Variants in NRG3 observed in about 807,000 individuals in gnomAD.
NRG3 encodes pro-neuregulin-3, membrane-bound isoform.
Under a neutral mutation model 66.9 loss-of-function variants are expected in NRG3, and 31 were observed. That is an observed-to-expected ratio of 0.46 (90% confidence interval 0.35 to 0.63). NRG3 has a LOEUF of 0.63. NRG3 is among the 20% of genes least tolerant of loss of function. NRG3 has a pLI of 0.00. For synonymous variants in NRG3, 393 were observed against 359.4 expected (o/e 1.09, Z -1.06); for missense variants, 910 against 878.9 (o/e 1.04, Z -0.45).
chr10:81,918,217 C>T (rs933306297), intron 1 of NRG3, among the ~76,000 whole-genome samples: 4 of 152,088 alleles, frequency 2.6e-5, no homozygotes, highest in African/African-American at 9.7e-5. Context: ...ATATATTCCC[C>T]ATCTTATTCC....
intron 2 of NRG3, among the ~76,000 whole-genome samples, chr10:82,445,905 T>G (rs1010743542): frequency 3.9e-5 from 6 of 152,228 alleles, no homozygotes; most frequent in Non-Finnish European, 5.9e-5. Context: ...TTCAGGCTAC[T>G]TTACTATCTG....
chr10:82,795,495 T>G (rs2060763134), intron 3 of NRG3, among the ~76,000 whole-genome samples: 1 of 152,238 alleles, frequency 6.6e-6, no homozygotes, highest in Non-Finnish European at 1.5e-5. Context: ...TAAAAAATGT[T>G]AATGTCTTCT....
chr10:82,962,189 T>G (rs1229096756), intron 6 of NRG3, among the ~76,000 whole-genome samples: 1 of 152,134 alleles, frequency 6.6e-6, no homozygotes, highest in Non-Finnish European at 1.5e-5. Context: ...CTACCATTGT[T>G]TTAAAAACAA....
At chr10:82,048,112 A>G (rs1336463578) in intron 1 of NRG3, among the ~76,000 whole-genome samples, 1 of 151,710 alleles carries the variant, frequency 6.6e-6, no homozygotes, top group Non-Finnish European at 1.5e-5. Context: ...GTCCTGAGTG[A>G]CCTACAAAGA....
At chr10:82,244,332 G>A (rs1245138625) in intron 1 of NRG3, among the ~76,000 whole-genome samples, 2 of 152,138 alleles carry the variant, frequency 1.3e-5, no homozygotes, top group South Asian at 2.1e-4. Context: ...GAGAACCATA[G>A]CATCAACTCT....
rs547527163 is a variant in NRG3, at chr10:82,176,515, C to T, written c.824-182224C>T. ...ATATGTTTCTATCCATGCCCAAACACGTAGGCTACCCTCTGTCACAGAGCA... is the reference window on the plus strand; with the variant it reads ...ATATGTTTCTATCCATGCCCAAACATGTAGGCTACCCTCTGTCACAGAGCA... On this transcript the variant is annotated intron_variant, in intron 1 of 8. Transcript: ENST00000372141. 2.1e-3 allele frequency among the ~76,000 whole-genome samples: 327 copies of T among 152,190 alleles called. 1 individual carries two copies. The highest frequency in any genetic ancestry group is 7.5e-3 in the African/African-American group (312 of 41,524).
At chr10:82,780,328 C>T (rs1054969603) in intron 3 of NRG3, among the ~76,000 whole-genome samples, 6 of 152,084 alleles carry the variant, frequency 3.9e-5, no homozygotes, top group African/African-American at 1.2e-4. Context: ...CTAATTTACA[C>T]TCCCACCCAC....
intron 2 of NRG3, among the ~76,000 whole-genome samples, chr10:82,704,620 C>A (rs916418844): frequency 6.6e-6 from 1 of 152,080 alleles, no homozygotes; most frequent in African/African-American, 2.4e-5. Flanking sequence ...ATGACACTCC[C>A]GGTATTATTT....
chr10:82,504,934 T>A (rs1844533919), intron 2 of NRG3, among the ~76,000 whole-genome samples: 1 of 152,018 alleles, frequency 6.6e-6, no homozygotes, highest in African/African-American at 2.4e-5. Context: ...TCTAATAAAT[T>A]AGGAAAAATG....
At chr10:82,095,499 A>T (rs1362538723) in intron 1 of NRG3, among the ~76,000 whole-genome samples, 1 of 152,204 alleles carries the variant, frequency 6.6e-6, no homozygotes, top group East Asian at 1.9e-4. Context: ...ATTGCTGATC[A>T]GGGAAACAGA....
At chr10:82,579,002 T>A (rs2133194102) in intron 2 of NRG3, among the ~76,000 whole-genome samples, 1 of 151,986 alleles carries the variant, frequency 6.6e-6, no homozygotes, top group South Asian at 2.1e-4. Flanking sequence ...TGAGTTCTGG[T>A]GGATGCTTTG....
chr10:82,698,708 G>C (rs886200532), intron 2 of NRG3, among the ~76,000 whole-genome samples: 1 of 152,060 alleles, frequency 6.6e-6, no homozygotes, highest in Non-Finnish European at 1.5e-5. Context: ...GTAAAGTGCT[G>C]ATAATATAAA....
chr10:82,536,409 T>C (rs953138932), intron 2 of NRG3, among the ~76,000 whole-genome samples: 1 of 152,216 alleles, frequency 6.6e-6, no homozygotes, highest in African/African-American at 2.4e-5. Flanking sequence ...TTTACTCGCA[T>C]AGAGTTAGGG....
chr10:82,982,433 G>GA (rs1853024099), intron 8 of NRG3, among the ~76,000 whole-genome samples: 1 of 152,160 alleles, frequency 6.6e-6, no homozygotes, highest in Non-Finnish European at 1.5e-5. Flanking sequence ...GACCGAACTT[G>GA]TGGAAGCATC....
intron 1 of NRG3, among the ~76,000 whole-genome samples, chr10:81,992,291 T>G (rs914768646): frequency 2.0e-5 from 3 of 152,168 alleles, no homozygotes; most frequent in Non-Finnish European, 4.4e-5. Flanking sequence ...GAAACAACAT[T>G]TTTTAGAGAT....
intron 2 of NRG3, among the ~76,000 whole-genome samples, chr10:82,728,947 A>G (rs1293946478): frequency 1.3e-5 from 2 of 151,996 alleles, no homozygotes; most frequent in African/African-American, 4.8e-5. Context: ...AAATTATTGG[A>G]TGTATTTACA....
intron 1 of NRG3, among the ~76,000 whole-genome samples, chr10:82,012,509 A>G (rs1471975379): frequency 2.6e-5 from 4 of 152,220 alleles, no homozygotes; most frequent in Non-Finnish European, 5.9e-5. Flanking sequence ...TTCTCCTCAG[A>G]AAATGGGTTT....
At chr10:82,241,536 T>G (rs990195706) in intron 1 of NRG3, among the ~76,000 whole-genome samples, 1 of 152,186 alleles carries the variant, frequency 6.6e-6, no homozygotes, top group Non-Finnish European at 1.5e-5. Context: ...CTTGTTTGTT[T>G]TATTAATAGC....
intron 1 of NRG3, among the ~76,000 whole-genome samples, chr10:82,275,891 A>G (rs2078825319): frequency 6.6e-6 from 1 of 152,038 alleles, no homozygotes; most frequent in South Asian, 2.1e-4. Flanking sequence ...CAATGATATT[A>G]TGAATCATGT....
Sources: gnomAD v4.1 joint callset for allele counts (sites outside exome capture counted in the v4.1 genomes callset) on GRCh38, gnomAD v4.1.1 for gene constraint, MANE v1.5 for transcripts, NCBI Gene and HGNC (gene_info 2026-07-23, HGNC 2026-07-21) for gene names.